SHISA9: variants seen among roughly 807,000 people sequenced by gnomAD.
SHISA9 encodes protein shisa-9.
SHISA9 carries 13 observed loss-of-function variants against 38.0 expected under a neutral mutation model. The observed-to-expected ratio is 0.34, with a 90% confidence interval of 0.22 to 0.54. The LOEUF (loss-of-function observed/expected upper bound fraction) is 0.54. SHISA9 is among the 20% of genes least tolerant of loss of function. SHISA9 has a pLI of 0.91. For synonymous variants in SHISA9, 275 were observed against 242.0 expected (o/e 1.14, Z -1.27); for missense variants, 538 against 575.8 (o/e 0.93, Z 0.67).
At chr16:13,291,441 A>G in the SHISA9 span, among the ~76,000 whole-genome samples, 2 of 152,208 alleles carry the variant, frequency 1.3e-5, no homozygotes, top group Admixed American at 6.5e-5. Context: ...TGAAATGTAC[A>G]GTTACCCCAC....
At chr16:12,904,951 C>T (rs1328004494) in intron 1 of SHISA9, among the ~76,000 whole-genome samples, 1 of 152,138 alleles carries the variant, frequency 6.6e-6, no homozygotes, top group Non-Finnish European at 1.5e-5. Flanking sequence ...CTCCTGACCT[C>T]CAGTGATCCT....
intron 2 of SHISA9, among the ~76,000 whole-genome samples, chr16:13,024,571 G>A (rs182530393): frequency 5.9e-5 from 9 of 152,208 alleles, no homozygotes; most frequent in Admixed American, 5.2e-4. Flanking sequence ...AGCTGAGCAG[G>A]ATTTTCTGAG....
At chr16:12,929,925 A>G (rs2071441765) in intron 2 of SHISA9, among the ~76,000 whole-genome samples, 1 of 152,102 alleles carries the variant, frequency 6.6e-6, no homozygotes, top group Admixed American at 6.5e-5. Context: ...GCTCCTTCTC[A>G]TTGTTTAGGT....
chr16:13,004,336 A>G (rs956798276), intron 2 of SHISA9, among the ~76,000 whole-genome samples: 1 of 152,354 alleles, frequency 6.6e-6, no homozygotes, highest in Admixed American at 6.5e-5. Context: ...CCTGAGGGCC[A>G]GATCAGTGTG....
At chr16:13,149,392 G>A (rs779636495) in intron 2 of SHISA9, among the ~76,000 whole-genome samples, 1 of 152,124 alleles carries the variant, frequency 6.6e-6, no homozygotes, top group Middle Eastern at 3.2e-3. Context: ...ACTGGGCACA[G>A]GGTCACAGAG....
the SHISA9 span, among the ~76,000 whole-genome samples, chr16:13,245,608 A>G: frequency 6.6e-6 from 1 of 152,162 alleles, no homozygotes. Flanking sequence ...ATTTTTCGCC[A>G]CTCATAGAAG....
the SHISA9 span, among the ~76,000 whole-genome samples, chr16:13,527,408 T>G: frequency 6.6e-6 from 1 of 152,152 alleles, no homozygotes; most frequent in African/African-American, 2.4e-5. Flanking sequence ...CAAGATTTAG[T>G]CAGGCTAATT....
chr16:13,081,171 T>C (rs529651149), intron 2 of SHISA9, among the ~76,000 whole-genome samples: 25 of 152,210 alleles, frequency 1.6e-4, no homozygotes, highest in Admixed American at 4.6e-4. Context: ...TTTTATTTAA[T>C]TTAGAAGTTT....
chr16:13,056,653 A>C (rs953452001), intron 2 of SHISA9, among the ~76,000 whole-genome samples: 3 of 152,210 alleles, frequency 2.0e-5, no homozygotes, highest in African/African-American at 7.2e-5. Flanking sequence ...GTCTTAGCTA[A>C]GTCACCTCAC....
chr16:13,118,832 C>T (rs1359834001), intron 2 of SHISA9, among the ~76,000 whole-genome samples: 1 of 149,776 alleles, frequency 6.7e-6, no homozygotes, highest in African/African-American at 2.5e-5. Context: ...CGGGTTCAAG[C>T]CATTTTCCTT....
chr16:13,328,589 TATACAC>T, the SHISA9 span, among the ~76,000 whole-genome samples: 1 of 90,402 alleles, frequency 1.1e-5, no homozygotes, highest in South Asian at 4.5e-4. Flanking sequence ...AATATATGTG[TATACAC>T]ACACACACAC....
chr16:13,399,255 TAA>T, the SHISA9 span, among the ~76,000 whole-genome samples: 1 of 143,978 alleles, frequency 6.9e-6, no homozygotes. Flanking sequence ...CCATCTCAAT[TAA>T]AAAAAAAAAA....
At chr16:13,551,560 T>A in the SHISA9 span, among the ~76,000 whole-genome samples, 1 of 152,286 alleles carries the variant, frequency 6.6e-6, no homozygotes, top group Admixed American at 6.5e-5. Context: ...AACAGAAGCA[T>A]ATGTGACTGT....
At chr16:13,422,694 TCAAAA>T in the SHISA9 span, among the ~76,000 whole-genome samples, 2 of 148,432 alleles carry the variant, frequency 1.3e-5, no homozygotes, top group African/African-American at 4.9e-5. Flanking sequence ...AGACTCTGTC[TCAAAA>T]CAAACAAACA....
Position 13,162,507 on chromosome 16 carries a change from G to A in SHISA9, c.692-40887G>A, listed in dbSNP as rs114740413. On this transcript the variant is annotated intron_variant, in intron 2 of 4. Coordinates refer to ENST00000558583, the MANE Select transcript of SHISA9 (RefSeq NM_001145204.3). ...AGCATACAGTACATCTTTAATACAC[G>A]AGACTGATTGCTTGACTGATACTCC... 3.4e-3 allele frequency among the ~76,000 whole-genome samples: 519 copies of A among 152,270 alleles called. 4 individuals are homozygous for A. The highest frequency in any genetic ancestry group is 0.011 in the African/African-American group (464 of 41,558).
chr16:13,184,374 T>A (rs2050802365), intron 2 of SHISA9, among the ~76,000 whole-genome samples: 1 of 152,194 alleles, frequency 6.6e-6, no homozygotes, highest in African/African-American at 2.4e-5. Context: ...TTAAGCTCCA[T>A]ATTTCAGAGA....
the SHISA9 span, among the ~76,000 whole-genome samples, chr16:13,377,973 C>A: frequency 4.6e-5 from 7 of 152,264 alleles, no homozygotes; most frequent in Admixed American, 6.5e-5. Flanking sequence ...GCGGAGGTGG[C>A]AGTGAGCTGA....
intron 2 of SHISA9, among the ~76,000 whole-genome samples, chr16:13,183,782 C>G (rs2050796931): frequency 6.6e-6 from 1 of 152,180 alleles, no homozygotes; most frequent in Admixed American, 6.5e-5. Context: ...TAATTGCTCT[C>G]TTGGCTCTGT....
chr16:13,079,709 C>T (rs2073625533), intron 2 of SHISA9, among the ~76,000 whole-genome samples: 1 of 152,172 alleles, frequency 6.6e-6, no homozygotes, highest in South Asian at 2.1e-4. Flanking sequence ...ATTAGATCAA[C>T]ATCACAAAAG....
Sources: allele counts gnomAD v4.1 joint callset (sites outside exome capture counted in the v4.1 genomes callset), GRCh38; gene constraint gnomAD v4.1.1; transcripts MANE v1.5; gene names NCBI Gene and HGNC (gene_info 2026-07-23, HGNC 2026-07-21).